DDAH1: variants seen among roughly 807,000 people sequenced by gnomAD.
The protein encoded by DDAH1 is dimethylarginine dimethylaminohydrolase 1.
A neutral mutation model predicts 28.8 loss-of-function variants in DDAH1; 19 were observed. That is an observed-to-expected ratio of 0.66 (90% CI 0.46 to 0.97). The LOEUF (loss-of-function observed/expected upper bound fraction) is 0.97, where lower values mean the gene tolerates loss of function less well. Ranked by LOEUF, DDAH1 falls within the 50% of genes least tolerant of loss-of-function variation. DDAH1 has a pLI of 0.00. For synonymous variants in DDAH1, 153 were observed against 154.4 expected, an observed-to-expected ratio of 0.99 and a Z score of 0.07; for missense variants, 326 against 375.9, an observed-to-expected ratio of 0.87 and a Z score of 1.10.
chr1:85,481,098 G>GTTTTTTTTTTTTT (rs71075839), intron 2 of DDAH1, among the ~76,000 whole-genome samples: 3 of 113,474 alleles, frequency 2.6e-5, no homozygotes, highest in African/African-American at 3.2e-5. Context: ...TGGGTTTTTT[G>GTTTTTTTTTTTTT]TTTTTTTTTT....
At chr1:85,506,324 T>A (rs1480801949) in intron 1 of DDAH1, among the ~76,000 whole-genome samples, 1 of 152,142 alleles carries the variant, frequency 6.6e-6, no homozygotes, top group Non-Finnish European at 1.5e-5. Context: ...TTAAGTCCCA[T>A]GGGTTATCAC....
intron 2 of DDAH1, among the ~76,000 whole-genome samples, chr1:85,480,347 G>A (rs1655964879): frequency 6.6e-6 from 1 of 152,168 alleles, no homozygotes; most frequent in Non-Finnish European, 1.5e-5. Context: ...GATCTCAGAT[G>A]AAAATAACTT....
chr1:85,449,807 T>C (rs1030090674), intron 1 of DDAH1, among the ~76,000 whole-genome samples: 2 of 151,642 alleles, frequency 1.3e-5, no homozygotes, highest in African/African-American at 4.9e-5. Context: ...GCAGATGAAG[T>C]TGGGAGGTGG....
chr1:85,326,541 C>T (rs891917096), intron 4 of DDAH1, among the ~76,000 whole-genome samples: 4 of 152,186 alleles, frequency 2.6e-5, no homozygotes, highest in African/African-American at 7.2e-5. Flanking sequence ...CAACTCAAAA[C>T]GTTTCTTAAT....
intron 1 of DDAH1, among the ~76,000 whole-genome samples, chr1:85,569,682 C>T (rs1034886241): frequency 2.0e-5 from 3 of 152,198 alleles, no homozygotes; most frequent in Non-Finnish European, 4.4e-5. Flanking sequence ...CAGCTATGCA[C>T]GCTGGCCCTT....
chr1:85,452,292 G>C (rs960244884), intron 1 of DDAH1, among the ~76,000 whole-genome samples: 9 of 152,032 alleles, frequency 5.9e-5, no homozygotes, highest in Non-Finnish European at 1.3e-4. Flanking sequence ...TGGTCTCCTA[G>C]ATAAGTAGAT....
chr1:85,354,544 A>G, intron 2 of DDAH1, among the ~76,000 whole-genome samples: 1 of 152,286 alleles, frequency 6.6e-6, no homozygotes, highest in East Asian at 1.9e-4. Context: ...TATTTGGTCT[A>G]CTTGAAATGA....
At chr1:85,509,241 C>T (rs1253236183) in intron 1 of DDAH1, among the ~76,000 whole-genome samples, 1 of 152,224 alleles carries the variant, frequency 6.6e-6, no homozygotes, top group African/African-American at 2.4e-5. Context: ...AACAGACCTG[C>T]AGCTGAGGGA....
Position 85,491,043 on chromosome 1 carries a change from A to ACTCTTTT in DDAH1, c.-7+5122_-7+5123insAAAAGAG, listed in dbSNP as rs1557686884. 5.0e-5 allele frequency among the ~76,000 whole-genome samples: 4 copies of ACTCTTTT among 79,340 alleles called. 2 individuals carry two copies. 52.1% of individuals were successfully genotyped at this position (79,340 alleles called of 152,430 possible). A position where few individuals can be genotyped will look rare whatever the true frequency, so the allele number is the denominator to read the frequency against. ...TCTTCTAATGACAACAGTAACATGT[A>ACTCTTTT]TTCTTTTTTTTTTTTTTTTTTTTGA... On this transcript the variant is annotated intron_variant, in intron 2 of 6. Transcript: ENST00000426972.
At chr1:85,327,553 A>G (rs1189997035) in intron 4 of DDAH1, among the ~76,000 whole-genome samples, 1 of 152,160 alleles carries the variant, frequency 6.6e-6, no homozygotes, top group East Asian at 1.9e-4. Context: ...GCTCTCTTCA[A>G]CCAGACTGCT....
At chr1:85,562,057 A>G (rs937304615) in intron 1 of DDAH1, among the ~76,000 whole-genome samples, 1 of 152,214 alleles carries the variant, frequency 6.6e-6, no homozygotes, top group Admixed American at 6.5e-5. Context: ...TTAGGTAAGA[A>G]GCTACTTTTA....
chr1:85,400,189 T>TC lies in DDAH1; in HGVS notation c.304-41343_304-41342insG, dbSNP rs1557582254. 5.6e-3 allele frequency among the ~76,000 whole-genome samples: 563 copies of TC among 100,268 alleles called. 19 individuals are homozygous for TC. Among genetic ancestry groups the TC allele is most frequent in the African/African-American group, 0.02 (511 of 25,496 alleles). 65.8% of individuals were successfully genotyped at this position (100,268 alleles called of 152,430 possible). A position where few individuals can be genotyped will look rare whatever the true frequency, so the allele number is the denominator to read the frequency against. On this transcript the variant is annotated intron_variant, in intron 1 of 5. Coordinates refer to ENST00000284031, the MANE Select transcript of DDAH1 (RefSeq NM_012137.4). Reference sequence around the variant, plus strand: ...TTTCTTTTCTTTTCTTTTTTTTTTTTTTTTTTTTTTTTTTTTTTTGAGACG... The same window carrying TC: ...TTTCTTTTCTTTTCTTTTTTTTTTTTCTTTTTTTTTTTTTTTTTTTGAGACG...
intron 1 of DDAH1, among the ~76,000 whole-genome samples, chr1:85,359,141 G>A (rs183670143): frequency 2.4e-4 from 36 of 152,290 alleles, no homozygotes; most frequent in East Asian, 1.7e-3. Context: ...GTTGGAGGCC[G>A]ACTAGTTAAG....
intron 1 of DDAH1, among the ~76,000 whole-genome samples, chr1:85,403,338 A>G (rs1186328039): frequency 6.6e-6 from 1 of 151,602 alleles, no homozygotes; most frequent in Non-Finnish European, 1.5e-5. Flanking sequence ...ATATCCAAAG[A>G]AAAAAAAATC....
intron 1 of DDAH1, among the ~76,000 whole-genome samples, chr1:85,445,574 CA>C (rs1654396080): frequency 6.6e-6 from 1 of 152,124 alleles, no homozygotes; most frequent in African/African-American, 2.4e-5. Context: ...GGTATATGCT[CA>C]ATGAAAATAT....
intron 2 of DDAH1, among the ~76,000 whole-genome samples, chr1:85,487,481 T>A (rs1656242614): frequency 6.6e-6 from 1 of 152,274 alleles, no homozygotes; most frequent in Non-Finnish European, 1.5e-5. Flanking sequence ...TTAGTTATTC[T>A]GCTAGTCAGC....
intron 1 of DDAH1, among the ~76,000 whole-genome samples, chr1:85,411,540 G>A (rs1652656558): frequency 6.6e-6 from 1 of 152,190 alleles, no homozygotes; most frequent in African/African-American, 2.4e-5. Flanking sequence ...TCTGGGGGCA[G>A]GGACTGTCTT....
At chr1:85,385,370 G>C (rs542201578) in intron 1 of DDAH1, among the ~76,000 whole-genome samples, 40 of 152,296 alleles carry the variant, frequency 2.6e-4, no homozygotes, top group African/African-American at 9.6e-4. Flanking sequence ...TAAAGCATTA[G>C]TAAAATACAT....
At chr1:85,470,083 T>C (rs1355591333), upstream of DDAH1, among the ~76,000 whole-genome samples, 1 of 152,228 alleles carries the variant, frequency 6.6e-6, no homozygotes, top group Non-Finnish European at 1.5e-5. Flanking sequence ...TCTTACTCCA[T>C]TTTAGCAGAT....
Sources: gnomAD v4.1 joint callset for allele counts (sites outside exome capture counted in the v4.1 genomes callset) on GRCh38, gnomAD v4.1.1 for gene constraint, MANE v1.5 for transcripts, NCBI Gene and HGNC (gene_info 2026-07-23, HGNC 2026-07-21) for gene names.